The following KIR3DL1 variants were observed in gnomAD, a reference collection of about 807,000 sequenced individuals.
The protein encoded by KIR3DL1 is killer cell immunoglobulin-like receptor 3DL1.
A neutral mutation model predicts 40.3 loss-of-function variants in KIR3DL1; 50 were observed. That is an observed-to-expected ratio of 1.24 (90% CI 0.99 to 1.57). The LOEUF is 1.57. Ranked by LOEUF, KIR3DL1 falls within the 40% of genes most tolerant of loss-of-function variation. KIR3DL1 has a pLI of 0.00. For synonymous variants in KIR3DL1, 257 were observed against 207.2 expected, an observed-to-expected ratio of 1.24 and a Z score of -2.07; for missense variants, 661 against 559.9, an observed-to-expected ratio of 1.18 and a Z score of -1.82.
At chr19:54,826,936 G>A (rs1406385060) in intron 6 of KIR3DL1, among the ~76,000 whole-genome samples, 1 of 151,796 alleles carries the variant, frequency 6.6e-6, no homozygotes, top group Admixed American at 6.5e-5. Context: ...GACACTCACA[G>A]CCATTGGATT....
rs2061558154 is a variant in KIR3DL1 at position 54,820,022 on chromosome 19, T to G, written c.655+10T>G. On this transcript the variant is annotated intron_variant, in intron 4 of 8. Coordinates refer to ENST00000391728, the Ensembl canonical transcript of KIR3DL1. ...GACATCGTGGTCACAGGTGAGAGTG[T>G]CTAGACATTGTTCTCATTGTCACTG... 9 of 1,607,408 alleles carry G rather than the reference T, an allele frequency of 5.6e-6. No individual in the cohort carries two copies. Among genetic ancestry groups the G allele is most frequent in the African/African-American group, 2.7e-5 (2 of 74,072 alleles).
At chr19:54,821,931 G>A (rs2148119967) in intron 5 of KIR3DL1, 73 bp downstream of exon 5, 1 of 1,507,984 alleles carries the variant, frequency 6.6e-7, no homozygotes, top group South Asian at 1.1e-5. Flanking sequence ...TGCTGATGAT[G>A]GAGAAAAGCA....
Position 54,819,694 on chromosome 19 carries a change from T to TCA in KIR3DL1, c.356-16_356-15dup. The TCA allele has an allele frequency of 1.2e-6, 2 of 1,603,434 alleles. No individual in the cohort carries two copies. The highest frequency in any genetic ancestry group is 1.1e-5 in the South Asian group (1 of 90,270). On this transcript the variant is annotated intron_variant, in intron 3 of 8. Coordinates refer to ENST00000391728, the Ensembl canonical transcript of KIR3DL1. ...TGATAAAGAGAGATGCCTTCTAAAC[T>TCA]CACAACTTCTCTTTCTAGGAAACCA... is the stretch of plus-strand genomic sequence containing the variant.
At chr19:54,819,234 A>G (rs1368295546) in intron 3 of KIR3DL1, among the ~76,000 whole-genome samples, 1 of 149,836 alleles carries the variant, frequency 6.7e-6, no homozygotes, top group Non-Finnish European at 1.5e-5. Context: ...ACAGGAAACC[A>G]ACACAGGAAC....
In KIR3DL1 at chr19:54,829,442, A is replaced by G. The variant is rs1471946116; in HGVS notation, c.1082A>G (p.His361Arg). The G allele has an allele frequency of 2.7e-6, 4 of 1,499,050 alleles. 1 individual carries two copies. In the South Asian group the frequency reaches 5.0e-5, roughly 19 times the overall value. 92.9% of individuals were successfully genotyped at this position (1,499,050 alleles called of 1,614,324 possible). A position where few individuals can be genotyped will look rare whatever the true frequency, so the allele number is the denominator to read the frequency against. ...ATCCTCCTCCTCTTCTTTCTCCTTC[A>G]TCTCTGGTGCTCCAACAAAAAAAGT... Residue 361 changes from histidine (H) to arginine (R), a missense_variant, in exon 7 of 9, where the codon CAT becomes CGT. By Grantham distance (29) the His-to-Arg change is conservative. Coordinates refer to ENST00000391728, the Ensembl canonical transcript of KIR3DL1.
At chr19:54,823,410 G>A (rs998128408) in intron 5 of KIR3DL1, among the ~76,000 whole-genome samples, 3 of 151,146 alleles carry the variant, frequency 2.0e-5, no homozygotes, top group Non-Finnish European at 2.9e-5. Context: ...CTACCAACAG[G>A]GTACCAGGGT....
chr19:54,822,038 A>G (rs1423902592), intron 5 of KIR3DL1, among the ~76,000 whole-genome samples, 180 bp downstream of exon 5: 4 of 151,096 alleles, frequency 2.6e-5, no homozygotes, highest in African/African-American at 9.8e-5. Flanking sequence ...CATGGCCTGC[A>G]TGGAGGCCTC....
chr19:54,825,961 G>C (rs1355410675), intron 6 of KIR3DL1, among the ~76,000 whole-genome samples: 2 of 151,032 alleles, frequency 1.3e-5, no homozygotes, highest in Non-Finnish European at 2.9e-5. Flanking sequence ...GAAAACTTGG[G>C]GATTCTATTG....
At chr19:54,825,883 C>T (rs868234044) in intron 6 of KIR3DL1, among the ~76,000 whole-genome samples, 1 of 151,072 alleles carries the variant, frequency 6.6e-6, no homozygotes, top group Admixed American at 6.6e-5. Context: ...CACATGGCAT[C>T]ACTCAGACCC....
chr19:54,818,302 C>T lies in KIR3DL1; in HGVS notation c.71-13C>T, dbSNP rs1186408394. 1.3e-6 allele frequency: 2 copies of T among 1,593,886 alleles called. No individual in the cohort carries two copies. Among genetic ancestry groups the T allele is most frequent in the Non-Finnish European group, 8.5e-7 (1 of 1,170,408 alleles). On this transcript the variant is annotated splice_polypyrimidine_tract_variant and intron_variant, in intron 2 of 8. Transcript: ENST00000391728. The stretch of plus-strand genomic sequence containing the variant: ...CATCCTCCTCTCTAAGGCAGTGCCT[C>T]CTTCTCCCCCAGGTGGTCAGGACAA...
chr19:54,825,188 C>T lies in KIR3DL1; in HGVS notation c.1000+110C>T, dbSNP rs540806928. 9.5e-5 allele frequency: 74 copies of T among 778,230 alleles called. 2 individuals are homozygous for T. The African/African-American group carries it at 1.1e-3, about 12-fold the overall frequency. The allele number at this position is 778,230 out of a possible 1,614,324, so 48.2% of individuals were successfully genotyped here. A position where few individuals can be genotyped will look rare whatever the true frequency, so the allele number is the denominator to read the frequency against. On this transcript the variant is annotated intron_variant, in intron 6 of 8. Transcript: ENST00000391728. ...AGCTCTGTGAATGAGGGCCTGTCTT[C>T]CACCATCTCTGAACTCCAGACACTC...
Position 54,823,844 on chromosome 19 carries a change from C to G in KIR3DL1, c.950-1184C>G, listed in dbSNP as rs938300887. On this transcript the variant is annotated intron_variant, in intron 5 of 8. Coordinates refer to ENST00000391728, the Ensembl canonical transcript of KIR3DL1. ...CATCGCGATTGTAATTTACATTTCT[C>G]TGATGATGAGTGATGCCGAGTACTT... 2.3e-4 allele frequency among the ~76,000 whole-genome samples: 35 copies of G among 151,706 alleles called. No individual in the cohort carries two copies. The South Asian group carries it at 6.1e-3, about 26-fold the overall frequency.
At chr19:54,823,893 C>A (rs2061759675) in intron 5 of KIR3DL1, among the ~76,000 whole-genome samples, 1 of 151,396 alleles carries the variant, frequency 6.6e-6, no homozygotes, top group Admixed American at 6.6e-5. Flanking sequence ...ATCGCCATTT[C>A]TATGTTTTGT....
In KIR3DL1 at chr19:54,820,018, A is replaced by T. The variant is rs776225351; in HGVS notation, c.655+6A>T. 6.2e-7 allele frequency: 1 copy of T among 1,608,192 alleles called. No individual in the cohort carries two copies. The highest frequency in any genetic ancestry group is 1.3e-5 in the African/African-American group (1 of 74,116). ...CCTGGACATCGTGGTCACAGGTGAG[A>T]GTGTCTAGACATTGTTCTCATTGTC... On this transcript the variant is annotated splice_donor_region_variant and intron_variant, in intron 4 of 8. Transcript: ENST00000391728.
intron 6 of KIR3DL1, among the ~76,000 whole-genome samples, chr19:54,826,836 T>C (rs951184900): frequency 2.0e-5 from 3 of 151,170 alleles, no homozygotes; most frequent in Non-Finnish European, 2.9e-5. Context: ...ATGCTGGGAA[T>C]GAGGTGGGGA....
At chr19:54,819,827 A>C in exon 4 of KIR3DL1, 1 of 1,612,056 alleles carries the variant, frequency 6.2e-7, no homozygotes, top group Non-Finnish European at 8.5e-7. Flanking sequence ...TTTCTGCACA[A>C]AGAGGGGATC....
chr19:54,817,555 C>T, exon 2 of KIR3DL1: 1 of 1,512,456 alleles, frequency 6.6e-7, no homozygotes, highest in Non-Finnish European at 9.0e-7. Flanking sequence ...GTCCAGAGGG[C>T]CGGTCCACAC....
At chr19:54,821,829 C>T (rs1345918051) in exon 5 of KIR3DL1, 3 of 1,602,644 alleles carry the variant, frequency 1.9e-6, no homozygotes, top group African/African-American at 2.7e-5. Context: ...TGGTCAGACC[C>T]GAGTGACCCA....
At chr19:54,827,790 A>G (rs2061981591) in intron 6 of KIR3DL1, among the ~76,000 whole-genome samples, 1 of 150,498 alleles carries the variant, frequency 6.6e-6, no homozygotes, top group Non-Finnish European at 1.5e-5. Context: ...TGAGCATGAG[A>G]TCATATAGAA....
Sources: allele counts gnomAD v4.1 joint callset (sites outside exome capture counted in the v4.1 genomes callset), GRCh38; gene constraint gnomAD v4.1.1; transcripts MANE v1.5; gene names NCBI Gene and HGNC (gene_info 2026-07-23, HGNC 2026-07-21).